Variants in JPH3 observed in about 807,000 individuals in gnomAD.
JPH3 encodes junctophilin 3.
In JPH3, 11 loss-of-function variants were observed where a neutral mutation model predicts 59.6. The observed-to-expected ratio is 0.18, with a 90% CI of 0.12 to 0.31. JPH3 has a LOEUF of 0.31. Among genes scored for constraint, JPH3 ranks in the 10% least tolerant of loss-of-function variants. JPH3 has a pLI of 1.00. For synonymous variants in JPH3, 673 were observed against 483.6 expected, an observed-to-expected ratio of 1.39 and a Z score of -5.14; for missense variants, 1,202 against 1,105.7, an observed-to-expected ratio of 1.09 and a Z score of -1.24.
rs772495537 is a variant in JPH3, at chr16:87,690,031, C to T, written c.1671C>T (p.Arg557=). Residue 557 remains arginine (R), a synonymous_variant, in exon 4 of 5, where the codon CGC becomes CGT. Transcript: ENST00000284262. ...GCGGCCTGCTCGTGGATGACTTCCG[C>T]ACCCGAGGTTCGGGCCGCAAGCAGC... The part of the protein sequence containing the change: ...LRGGLLVDDF[R]TRGSGRKQPG... The T allele has an allele frequency of 1.2e-5, 19 of 1,543,866 alleles. No homozygotes were observed. The highest frequency in any genetic ancestry group is 1.7e-5 in the Non-Finnish European group (19 of 1,143,958).
chr16:87,663,519 A>T (rs560444110), intron 2 of JPH3, among the ~76,000 whole-genome samples: 1 of 152,226 alleles, frequency 6.6e-6, no homozygotes. Context: ...TCAAGATAAC[A>T]CAAGTTTCCC....
rs373405129 is a variant in JPH3 at position 87,689,746 on chromosome 16, C to T, written c.1386C>T (p.Arg462=). ...PLQQESPELY[R]KGTTPSDLTP... ...AGCAGGAGAGCCCCGAGCTGTACCG[C>T]AAGGGCACCACTCCCTCCGACCTGA... Residue 462 remains arginine, a synonymous_variant, in exon 4 of 5, where the codon CGC becomes CGT. Transcript: ENST00000284262. 1.1e-5 allele frequency: 18 copies of T among 1,612,268 alleles called. No individual in the cohort carries two copies. The highest frequency in any genetic ancestry group is 1.5e-5 in the Non-Finnish European group (18 of 1,179,760).
intron 2 of JPH3, among the ~76,000 whole-genome samples, chr16:87,672,064 A>C (rs1239765451): frequency 6.6e-6 from 1 of 151,926 alleles, no homozygotes; most frequent in African/African-American, 2.4e-5. Flanking sequence ...CCCTCGCTCA[A>C]CCGGGGTCTA....
chr16:87,634,710 G>A (rs947767698), intron 1 of JPH3, among the ~76,000 whole-genome samples: 3 of 152,232 alleles, frequency 2.0e-5, no homozygotes, highest in African/African-American at 7.2e-5. Context: ...CAGGTGAGGC[G>A]GGCCAGAGTG....
intron 2 of JPH3, among the ~76,000 whole-genome samples, chr16:87,652,622 C>G (rs570769712): frequency 3.3e-5 from 5 of 152,190 alleles, no homozygotes; most frequent in Non-Finnish European, 7.4e-5. Flanking sequence ...CGCAGCTGGG[C>G]TAGGATGGCC....
chr16:87,695,770 G>C (rs1273857521), intron 4 of JPH3: 1 of 456,100 alleles, frequency 2.2e-6, no homozygotes, highest in South Asian at 1.5e-5. Context: ...GTGCAGGACT[G>C]CAAGAATCAC....
chr16:87,628,610 C>T (rs777189976), intron 1 of JPH3, among the ~76,000 whole-genome samples: 38 of 152,310 alleles, frequency 2.5e-4, no homozygotes, highest in African/African-American at 9.1e-4. Context: ...GTGGCTTAAC[C>T]TCATCACTCG....
intron 1 of JPH3, among the ~76,000 whole-genome samples, chr16:87,627,108 CG>C (rs945034737): frequency 6.6e-6 from 1 of 152,166 alleles, no homozygotes; most frequent in East Asian, 1.9e-4. Flanking sequence ...GTCTCTGGGC[CG>C]GGGGGCGAGG....
At chr16:87,628,502 G>A (rs1429216779) in intron 1 of JPH3, among the ~76,000 whole-genome samples, 2 of 152,238 alleles carry the variant, frequency 1.3e-5, no homozygotes, top group Non-Finnish European at 2.9e-5. Flanking sequence ...GTTGCCCGGT[G>A]ACAGTAAAGA....
At chr16:87,636,658 C>A (rs900856322) in intron 1 of JPH3, among the ~76,000 whole-genome samples, 2 of 152,190 alleles carry the variant, frequency 1.3e-5, no homozygotes, top group African/African-American at 4.8e-5. Context: ...TAGCCAAACC[C>A]CTTTTCTTAC....
intron 2 of JPH3, among the ~76,000 whole-genome samples, chr16:87,669,589 C>A (rs1173189074): frequency 6.6e-6 from 1 of 152,114 alleles, no homozygotes; most frequent in African/African-American, 2.4e-5. Flanking sequence ...GGGTCAGTGG[C>A]CCGCGGTGAG....
At chr16:87,645,124 C>T (rs1021667126) in intron 2 of JPH3, 89 bp downstream of exon 2, 8 of 1,368,742 alleles carry the variant, frequency 5.8e-6, no homozygotes, top group Non-Finnish European at 6.9e-6. Context: ...CGCTCAAGGC[C>T]TTGGGCTAGG....
chr16:87,666,954 C>T (rs1376258893), intron 2 of JPH3, among the ~76,000 whole-genome samples: 1 of 152,192 alleles, frequency 6.6e-6, no homozygotes, highest in East Asian at 1.9e-4. Context: ...ACCATATCAG[C>T]TTCCTACAGC....
At chr16:87,630,360 C>A (rs1392381034) in intron 1 of JPH3, among the ~76,000 whole-genome samples, 3 of 151,562 alleles carry the variant, frequency 2.0e-5, no homozygotes, top group Non-Finnish European at 3.0e-5. Context: ...ATCTGCAGAC[C>A]TTCTGACACC....
chr16:87,650,824 G>A (rs1645178073), intron 2 of JPH3, among the ~76,000 whole-genome samples: 1 of 152,194 alleles, frequency 6.6e-6, no homozygotes, highest in Non-Finnish European at 1.5e-5. Flanking sequence ...TCAGGTTTAA[G>A]GAAAGAAGCC....
chr16:87,664,817 T>C (rs924085314), intron 2 of JPH3, among the ~76,000 whole-genome samples: 1 of 151,960 alleles, frequency 6.6e-6, no homozygotes, highest in Non-Finnish European at 1.5e-5. Context: ...CTGTGTGACT[T>C]GCCCAGGGTC....
intron 2 of JPH3, among the ~76,000 whole-genome samples, chr16:87,662,769 C>T (rs184538252): frequency 6.6e-6 from 1 of 152,334 alleles, no homozygotes; most frequent in Non-Finnish European, 1.5e-5. Flanking sequence ...CCTCCTCAGC[C>T]CCCACGCAGG....
rs1182179889 is a variant in JPH3, at chr16:87,690,007, C to T, written c.1647C>T (p.Gly549=). The change falls in exon 4 of 5, where the codon GGC becomes GGT. Residue 549 remains glycine, a synonymous_variant. Coordinates refer to ENST00000284262, the MANE Select transcript of JPH3 (RefSeq NM_020655.4). ...SRGVRSGALR[G]GLLVDDFRTR... ...GTGTCCGCAGCGGTGCCCTGCGCGG[C>T]GGCCTGCTCGTGGATGACTTCCGCA... 6 of 1,513,144 alleles carry T rather than the reference C, an allele frequency of 4.0e-6. No homozygotes were observed. The highest frequency in any genetic ancestry group is 3.5e-4 in the Middle Eastern group (2 of 5,726). 93.7% of individuals were successfully genotyped at this position (1,513,144 alleles called of 1,614,324 possible).
At chr16:87,678,619 G>T (rs1487073236) in intron 2 of JPH3, among the ~76,000 whole-genome samples, 1 of 152,076 alleles carries the variant, frequency 6.6e-6, no homozygotes, top group Non-Finnish European at 1.5e-5. Flanking sequence ...TGGGCTGAAT[G>T]GTGTCCCCAA....
Sources: gnomAD v4.1 joint callset for allele counts (sites outside exome capture counted in the v4.1 genomes callset) on GRCh38, gnomAD v4.1.1 for gene constraint, MANE v1.5 for transcripts, NCBI Gene and HGNC (gene_info 2026-07-23, HGNC 2026-07-21) for gene names.